Variants in PROSER1 observed in about 807,000 individuals in gnomAD.
PROSER1 encodes the protein proline and serine rich 1.
In PROSER1, 36 loss-of-function variants were observed where a neutral mutation model predicts 71.8. The observed-to-expected ratio is 0.50, with a 90% CI of 0.38 to 0.66. PROSER1 has a LOEUF of 0.66. Among genes scored for constraint, PROSER1 ranks in the 30% least tolerant of loss-of-function variants. PROSER1 has a pLI of 0.00. For missense variants in PROSER1, 1,107 were observed against 1,135.0 expected (o/e 0.98, Z 0.35); for synonymous variants, 490 against 452.4 (o/e 1.08, Z -1.06).
At chr13:39,017,678 A>G in intron 9 of PROSER1, 134 bp from the exon 10 acceptor site, 1 of 575,838 alleles carries the variant, frequency 1.7e-6, no homozygotes, top group Admixed American at 3.5e-5. Flanking sequence ...AAATGTACAC[A>G]TATGGGAAAA....
intron 9 of PROSER1, among the ~76,000 whole-genome samples, chr13:39,018,251 A>G (rs1383012470): frequency 2.6e-5 from 4 of 152,172 alleles, no homozygotes; most frequent in African/African-American, 9.7e-5. Flanking sequence ...TCAGCCAAGG[A>G]TACAAAGGGA....
At chr13:39,032,878 A>T (rs1870915462) in intron 2 of PROSER1, among the ~76,000 whole-genome samples, 1 of 152,154 alleles carries the variant, frequency 6.6e-6, no homozygotes, top group Non-Finnish European at 1.5e-5. Context: ...AAGAAAAAAA[A>T]TGCTATTAGC....
intron 2 of PROSER1, among the ~76,000 whole-genome samples, chr13:39,032,036 G>T (rs1197302610): frequency 6.6e-6 from 1 of 152,172 alleles, no homozygotes; most frequent in African/African-American, 2.4e-5. Context: ...TGGTTGAGAA[G>T]TACTAGATGG....
rs1284798772 is a variant in PROSER1 at position 39,029,276 on chromosome 13, C to G, written c.275+5G>C. On this transcript the variant is annotated splice_donor_5th_base_variant and intron_variant, in intron 4 of 12. Transcript: ENST00000352251. ...AAAAAAAAAAAAAAAAAAAGAAATA[C>G]TTACGAGGCTAACAGTTCAAGAGCA... 3 of 883,982 alleles carry G rather than the reference C, an allele frequency of 3.4e-6. No individual in the cohort carries two copies. Among genetic ancestry groups the G allele is most frequent in the Non-Finnish European group, 5.0e-6 (3 of 595,530 alleles). 54.8% of individuals were successfully genotyped at this position (883,982 alleles called of 1,614,324 possible).
In PROSER1 at chr13:39,037,193, A is replaced by ATTT. The variant is rs1593545889; in HGVS notation, c.45+4_45+5insAAA. 1 of 1,589,678 alleles carries ATTT rather than the reference A, an allele frequency of 6.3e-7. No homozygotes were observed. Among genetic ancestry groups the ATTT allele is most frequent in the East Asian group, 2.2e-5 (1 of 44,760 alleles). On this transcript the variant is annotated splice_donor_region_variant and intron_variant, in intron 1 of 12. Transcript: ENST00000352251. ...TAAAATAATTCATGGAATCGGTCTA[A>ATTT]TTACCTTTCTAATTTCATCCAGCAC...
In PROSER1 at chr13:39,012,984, T is replaced by C. The variant is rs1290983402; in HGVS notation, c.2268A>G (p.Pro756=). Residue 756 remains proline, a synonymous_variant, in exon 11 of 13, where the codon CCA becomes CCG. Transcript: ENST00000352251. ...TGAGGGGGAAAGGTGCTGCTGAGAC[T>C]GGTGCTGAAGCAGAAAGCCCTGAGA... ...AVLSGLSASA[P]VSAAPFPLNL... 1 of 1,614,122 alleles carries C rather than the reference T, an allele frequency of 6.2e-7. No individual in the cohort carries two copies. Among genetic ancestry groups the C allele is most frequent in the Admixed American group, 1.7e-5 (1 of 60,016 alleles).
chr13:39,012,700 G>C lies in PROSER1; in HGVS notation c.2552C>G (p.Ala851Gly). ...CAAACTATCCACATACCCGGCTTGT[G>C]CAACAAGAGCGGAGTTGAAATTGGA... is the stretch of plus-strand genomic sequence containing the variant. Reference protein sequence around the residue: ...FSSNFNSALVAQAGLSSGLQA... With the variant: ...FSSNFNSALVGQAGLSSGLQA... The change falls in exon 11 of 13, where the codon GCA becomes GGA. Residue 851 changes from alanine to glycine, a missense_variant. Physicochemically the swap from Ala to Gly is moderately conservative, Grantham distance 60. Transcript: ENST00000352251. The C allele has an allele frequency of 6.4e-7, 1 of 1,574,182 alleles. No homozygotes were observed. Among genetic ancestry groups the C allele is most frequent in the Non-Finnish European group, 8.6e-7 (1 of 1,161,070 alleles).
rs1869624397 is a variant in PROSER1 at position 39,011,119 on chromosome 13, G to A, written c.*246C>T. ...ACACAATTCAAAATTTTATAGGACA[G>A]GTGAAAAGTCTCCAAACACTTTTTA... On this transcript the variant is annotated 3_prime_UTR_variant, in exon 13 of 13. Transcript: ENST00000352251. 1 of 423,924 alleles carries A rather than the reference G, an allele frequency of 2.4e-6. No homozygotes were observed. Among genetic ancestry groups the A allele is most frequent in the East Asian group, 4.7e-5 (1 of 21,154 alleles). The allele number at this position is 423,924 out of a possible 1,614,324, so 26.3% of individuals were successfully genotyped here.
At chr13:39,028,087 C>T (rs998121516) in intron 5 of PROSER1, 140 bp downstream of exon 5, 9 of 540,018 alleles carry the variant, frequency 1.7e-5, no homozygotes, top group Middle Eastern at 4.1e-4. Context: ...CGCCGCAGAC[C>T]GCAGGGATGT....
intron 2 of PROSER1, among the ~76,000 whole-genome samples, chr13:39,032,699 C>T (rs1870906010): frequency 6.6e-6 from 1 of 151,996 alleles, no homozygotes; most frequent in East Asian, 1.9e-4. Context: ...TTCTTAATAT[C>T]TAATAAATGC....
At position 39,020,369 on chromosome 13, in the gene PROSER1, C is replaced by T. The variant is rs573349651; in HGVS notation, c.730+1957G>A. ...ATTACTATATAGCTCTCTCTCTGTA[C>T]ACACACACACACACCCCTGTTGTTT... On this transcript the variant is annotated intron_variant, in intron 9 of 12. Coordinates refer to ENST00000352251, the MANE Select transcript of PROSER1 (RefSeq NM_025138.5). Among the ~76,000 whole-genome samples the T allele has an allele frequency of 3.9e-4, 59 of 150,760 alleles. 3 individuals carry two copies. The South Asian group carries it at 0.011, about 29-fold the overall frequency.
In PROSER1 at chr13:39,014,219, C is replaced by T. The variant is rs145804132; in HGVS notation, c.1033G>A (p.Ala345Thr). The T allele has an allele frequency of 8.7e-6, 14 of 1,614,018 alleles. No homozygotes were observed. Among genetic ancestry groups the T allele is most frequent in the Admixed American group, 1.7e-5 (1 of 60,018 alleles). Residue 345 changes from alanine (A) to threonine (T), a missense_variant, in exon 11 of 13, where the codon GCA becomes ACA. Transcript: ENST00000352251. ...GTACTGTGGATGGATGTAACAGGTG[C>T]AGTGGGCAATGAAGGGGTTCTGATA... ...TVIRTPSLPT[A>T]PVTSIHSTTT...
chr13:39,018,963 C>G (rs1427642589), intron 9 of PROSER1, among the ~76,000 whole-genome samples: 1 of 152,064 alleles, frequency 6.6e-6, no homozygotes, highest in Non-Finnish European at 1.5e-5. Flanking sequence ...AGAAAGAGAC[C>G]AAGTTCCCAA....
At chr13:39,028,118 A>T in intron 5 of PROSER1, 109 bp downstream of exon 5, 2 of 629,554 alleles carry the variant, frequency 3.2e-6, no homozygotes, top group South Asian at 3.9e-5. Flanking sequence ...CCCATTGTAC[A>T]ACAGCATTCA....
chr13:39,012,869 T>C lies in PROSER1; in HGVS notation c.2383A>G (p.Asn795Asp). The change falls in exon 11 of 13, where the codon AAT becomes GAT. Residue 795 changes from asparagine to aspartate, a missense_variant. By Grantham distance (23) the Asn-to-Asp change is conservative. Coordinates refer to ENST00000352251, the MANE Select transcript of PROSER1 (RefSeq NM_025138.5). Reference sequence around the variant, plus strand: ...AGAGCAGGGGTAACGCTTGGGGTATTAGAGACAGAAAAGCCTGGATAGGAG... The same window carrying C: ...AGAGCAGGGGTAACGCTTGGGGTATCAGAGACAGAAAAGCCTGGATAGGAG... The part of the protein sequence containing the change: ...NPSYPGFSVS[N>D]TPSVTPALPS... The C allele has an allele frequency of 3.1e-6, 5 of 1,614,050 alleles. No individual in the cohort carries two copies. The highest frequency in any genetic ancestry group is 4.2e-6 in the Non-Finnish European group (5 of 1,180,004).
In PROSER1 at chr13:39,013,882, C is replaced by G; in HGVS notation, c.1370G>C (p.Ser457Thr). The G allele has an allele frequency of 1.2e-6, 2 of 1,614,170 alleles. No homozygotes were observed. Among genetic ancestry groups the G allele is most frequent in the South Asian group, 2.2e-5 (2 of 91,082 alleles). Reference protein sequence around the residue: ...TPVIAGGSTPSVAGPLGVNSP... With the variant: ...TPVIAGGSTPTVAGPLGVNSP... ...GTTCACACCAAGTGGACCGGCAACGCTGGGAGTAGAGCCACCAGCAATTAC... is the reference window on the plus strand; with the variant it reads ...GTTCACACCAAGTGGACCGGCAACGGTGGGAGTAGAGCCACCAGCAATTAC... The change falls in exon 11 of 13, where the codon AGC becomes ACC. Residue 457 changes from serine (S) to threonine (T), a missense_variant. Coordinates refer to ENST00000352251, the MANE Select transcript of PROSER1 (RefSeq NM_025138.5).
intron 4 of PROSER1, 38 bp downstream of exon 4, chr13:39,029,243 C>CAATG (rs55801534): frequency 0.16 from 162,163 of 1,034,926 alleles, 12,117 homozygotes; most frequent in African/African-American, 0.47. Flanking sequence ...CATTTTTTCC[C>CAATG]AAGTAAAAAA....
chr13:39,012,376 A>C, intron 11 of PROSER1, 143 bp from the exon 12 acceptor site: 3 of 888,910 alleles, frequency 3.4e-6, no homozygotes, highest in Non-Finnish European at 5.2e-6. Flanking sequence ...GACCATAAAA[A>C]TCAGCCATTC....
rs1331134944 is a variant in PROSER1 at position 39,010,273 on chromosome 13, C to T, written c.*1092G>A. The T allele has an allele frequency of 6.6e-6, 1 of 152,544 alleles. No homozygotes were observed. The highest frequency in any genetic ancestry group is 1.9e-4 in the East Asian group (1 of 5,194). The allele number at this position is 152,544 out of a possible 1,614,324, so 9.4% of individuals were successfully genotyped here. A position where few individuals can be genotyped will look rare whatever the true frequency, so the allele number is the denominator to read the frequency against. ...TACATTAGCAACATCTTCCGGACAC[C>T]ATCTTTATAAAAGTAAAACTTCTAG... is the stretch of plus-strand genomic sequence containing the variant. On this transcript the variant is annotated 3_prime_UTR_variant, in exon 13 of 13. Transcript: ENST00000352251.
Sources: allele counts gnomAD v4.1 joint callset (sites outside exome capture counted in the v4.1 genomes callset), GRCh38; gene constraint gnomAD v4.1.1; transcripts MANE v1.5; gene names NCBI Gene and HGNC (gene_info 2026-07-23, HGNC 2026-07-21).